The following LHFPL3 variants were observed in gnomAD, a reference collection of about 807,000 sequenced individuals.
The protein encoded by LHFPL3 is LHFPL tetraspan subfamily member 3, also known as LHFPL tetraspan subfamily member 3 protein.
A neutral mutation model predicts 19.3 loss-of-function variants in LHFPL3; 5 were observed. That is an observed-to-expected ratio of 0.26 (90% CI 0.14 to 0.54). LHFPL3 has a LOEUF of 0.54. Ranked by LOEUF, LHFPL3 falls within the 20% of genes least tolerant of loss-of-function variation. The pLI is 0.94. For synonymous variants in LHFPL3, 133 were observed against 126.2 expected, an observed-to-expected ratio of 1.05 and a Z score of -0.36; for missense variants, 249 against 307.4, an observed-to-expected ratio of 0.81 and a Z score of 1.42.
At chr7:104,368,770 C>G (rs1790548308) in intron 1 of LHFPL3, among the ~76,000 whole-genome samples, 1 of 34 alleles carries the variant, frequency 0.029, no homozygotes, top group Non-Finnish European at 0.045. Context: ...CTGTACTGCC[C>G]TATGAGGCAT....
At chr7:104,417,884 C>CTTCTTTTTTTT (rs1554391164) in intron 1 of LHFPL3, among the ~76,000 whole-genome samples, 2 of 117,762 alleles carry the variant, frequency 1.7e-5, no homozygotes, top group Non-Finnish European at 3.5e-5. Flanking sequence ...TCTTCTTCTT[C>CTTCTTTTTTTT]TTTTTTTTTT....
intron 1 of LHFPL3, among the ~76,000 whole-genome samples, chr7:104,654,259 A>G (rs911809052): frequency 5.9e-5 from 9 of 152,230 alleles, no homozygotes; most frequent in African/African-American, 2.2e-4. Flanking sequence ...AGAAAATTCA[A>G]GGGCCGACCA....
At chr7:104,408,512 T>A (rs1791465242) in intron 1 of LHFPL3, among the ~76,000 whole-genome samples, 1 of 152,198 alleles carries the variant, frequency 6.6e-6, no homozygotes, top group Non-Finnish European at 1.5e-5. Context: ...TTGAACCATA[T>A]GGTAGAACTC....
chr7:104,641,707 A>C (rs186049580), intron 1 of LHFPL3, among the ~76,000 whole-genome samples: 7 of 152,290 alleles, frequency 4.6e-5, no homozygotes, highest in Non-Finnish European at 5.9e-5. Flanking sequence ...AAAGCTTTAT[A>C]TGATAGGAGA....
chr7:104,575,812 A>T (rs1287324540), intron 1 of LHFPL3, among the ~76,000 whole-genome samples: 5 of 152,068 alleles, frequency 3.3e-5, no homozygotes, highest in Non-Finnish European at 7.4e-5. Context: ...GCATCTGACC[A>T]CTTTACCCTT....
At chr7:104,729,248 T>C (rs1793645033) in intron 1 of LHFPL3, among the ~76,000 whole-genome samples, 1 of 152,220 alleles carries the variant, frequency 6.6e-6, no homozygotes, top group South Asian at 2.1e-4. Flanking sequence ...TGACTCATAA[T>C]AATCTCACGT....
chr7:104,376,249 A>T (rs1343617742), intron 1 of LHFPL3, among the ~76,000 whole-genome samples: 1 of 152,242 alleles, frequency 6.6e-6, no homozygotes, highest in Admixed American at 6.5e-5. Flanking sequence ...TCTGTCCTAG[A>T]TGCTGGGGAG....
At chr7:104,655,139 G>A (rs973404548) in intron 1 of LHFPL3, among the ~76,000 whole-genome samples, 1 of 152,124 alleles carries the variant, frequency 6.6e-6, no homozygotes, top group Non-Finnish European at 1.5e-5. Flanking sequence ...ACTTGGCAAA[G>A]TACAGTTCCT....
At chr7:104,887,444 C>A (rs995515788) in intron 2 of LHFPL3, among the ~76,000 whole-genome samples, 1 of 152,162 alleles carries the variant, frequency 6.6e-6, no homozygotes, top group Non-Finnish European at 1.5e-5. Flanking sequence ...GGAGTGCAAT[C>A]CCACTGGGGA....
chr7:104,388,835 G>A (rs1344436452), intron 1 of LHFPL3, among the ~76,000 whole-genome samples: 1 of 151,636 alleles, frequency 6.6e-6, no homozygotes, highest in Admixed American at 6.6e-5. Context: ...TTTTATGGTG[G>A]AAAAAAAAGT....
chr7:104,423,481 G>A (rs1286968857), intron 1 of LHFPL3, among the ~76,000 whole-genome samples: 2 of 152,116 alleles, frequency 1.3e-5, no homozygotes, highest in African/African-American at 4.8e-5. Context: ...GGGCATGGTG[G>A]TGCATGCCTA....
At chr7:104,685,596 TAGG>T (rs1178236623) in intron 1 of LHFPL3, among the ~76,000 whole-genome samples, 1 of 152,154 alleles carries the variant, frequency 6.6e-6, no homozygotes, top group Non-Finnish European at 1.5e-5. Flanking sequence ...TAAGAGCATG[TAGG>T]AGATTTTCCT....
chr7:104,544,939 T>A (rs553549349), intron 1 of LHFPL3, among the ~76,000 whole-genome samples: 14 of 151,676 alleles, frequency 9.2e-5, no homozygotes, highest in African/African-American at 3.4e-4. Context: ...AGTCTCAAAT[T>A]TAGGATTTTT....
intron 1 of LHFPL3, among the ~76,000 whole-genome samples, chr7:104,390,518 CT>C (rs1343313463): frequency 3.3e-5 from 5 of 152,240 alleles, no homozygotes; most frequent in African/African-American, 1.2e-4. Context: ...TGAATTCATC[CT>C]TTTTTAAGGC....
chr7:104,455,824 A>G (rs1393922275), intron 1 of LHFPL3, among the ~76,000 whole-genome samples: 1 of 152,222 alleles, frequency 6.6e-6, no homozygotes, highest in Non-Finnish European at 1.5e-5. Flanking sequence ...TATTAAGACT[A>G]TTTGTAAGAA....
intron 1 of LHFPL3, among the ~76,000 whole-genome samples, chr7:104,548,858 C>G (rs1405810984): frequency 1.3e-5 from 2 of 152,178 alleles, no homozygotes; most frequent in Non-Finnish European, 2.9e-5. Flanking sequence ...GTTTCTGCCT[C>G]AAGGACCCTT....
Position 104,385,789 on chromosome 7 carries a change from G to A in LHFPL3, c.445+56565G>A, listed in dbSNP as rs867142497. Among the ~76,000 whole-genome samples the A allele has an allele frequency of 7.2e-5, 11 of 152,194 alleles. No individual in the cohort carries two copies. The Middle Eastern group carries it at 0.01, about 141-fold the overall frequency. ...CTATAAATGTTTCTAAGTAGAAAAC[G>A]AATGCATCAAATGTCACATTTTCTT... On this transcript the variant is annotated intron_variant, in intron 1 of 2. Transcript: ENST00000424859.
chr7:104,748,409 G>A (rs562528196), intron 2 of LHFPL3, among the ~76,000 whole-genome samples: 96 of 129,588 alleles, frequency 7.4e-4, no homozygotes, highest in Admixed American at 8.4e-4. Flanking sequence ...CAAGAGGAAG[G>A]CATCTGTCTC....
chr7:104,725,314 T>C (rs1793569867), intron 1 of LHFPL3, among the ~76,000 whole-genome samples: 1 of 152,228 alleles, frequency 6.6e-6, no homozygotes. Flanking sequence ...CCTGTTCCAG[T>C]GAAGTTGTCC....
Sources: gnomAD v4.1 joint callset for allele counts (sites outside exome capture counted in the v4.1 genomes callset) on GRCh38, gnomAD v4.1.1 for gene constraint, MANE v1.5 for transcripts, NCBI Gene and HGNC (gene_info 2026-07-23, HGNC 2026-07-21) for gene names.